Variants in ANAPC5 observed in about 807,000 individuals in gnomAD.
The protein encoded by ANAPC5 is anaphase promoting complex subunit 5.
A neutral mutation model predicts 91.3 loss-of-function variants in ANAPC5; 60 were observed. That is an observed-to-expected ratio of 0.66 (90% CI 0.53 to 0.81). The LOEUF (loss-of-function observed/expected upper bound fraction) is 0.81. Ranked by LOEUF, ANAPC5 falls within the 40% of genes least tolerant of loss-of-function variation. The pLI, the probability that ANAPC5 is intolerant of heterozygous loss-of-function variation, is 0.00. For missense variants in ANAPC5, 690 were observed against 931.5 expected (o/e 0.74, Z 3.37); for synonymous variants, 340 against 364.1 (o/e 0.93, Z 0.75).
At chr12:121,353,597 C>A (rs1254936666), upstream of ANAPC5, among the ~76,000 whole-genome samples, 2 of 152,038 alleles carry the variant, frequency 1.3e-5, no homozygotes, top group Admixed American at 1.3e-4. Flanking sequence ...TCGGCCACCA[C>A]GCCCGGCTAA....
chr12:121,352,469 G>T, upstream of ANAPC5: 1 of 761,616 alleles, frequency 1.3e-6, no homozygotes. Flanking sequence ...CCGCGTGCTC[G>T]CGGCATTTGT....
chr12:121,327,076 G>T lies in ANAPC5; in HGVS notation c.1440+20C>A. On this transcript the variant is annotated intron_variant, in intron 11 of 16. Coordinates refer to ENST00000261819, the MANE Select transcript of ANAPC5 (RefSeq NM_016237.5). ...AGCCTCCATTGCTCCAGAAGCACGT[G>T]GGCCCGGCCACCTGCCTACCTGCTC... is the stretch of plus-strand genomic sequence containing the variant. 6.3e-7 allele frequency: 1 copy of T among 1,578,514 alleles called. No individual in the cohort carries two copies. The highest frequency in any genetic ancestry group is 1.1e-5 in the South Asian group (1 of 88,334).
In ANAPC5 at chr12:121,352,389, T is replaced by A. The variant is rs1000855738; in HGVS notation, c.-49A>T. The A allele has an allele frequency of 6.0e-6, 9 of 1,494,840 alleles. No homozygotes were observed. Among genetic ancestry groups the A allele is most frequent in the South Asian group, 1.2e-5 (1 of 85,428 alleles). The allele number at this position is 1,494,840 out of a possible 1,614,324, so 92.6% of individuals were successfully genotyped here. ...GCCCGCGGCGCGCTGCCGCCAGTTG[T>A]CACCACAAGGCACAACACTACCGGG... On this transcript the variant is annotated 5_prime_UTR_variant, in exon 1 of 17. Transcript: ENST00000261819.
chr12:121,340,477 A>T (rs1418468944), intron 5 of ANAPC5, among the ~76,000 whole-genome samples: 1 of 152,140 alleles, frequency 6.6e-6, no homozygotes, highest in African/African-American at 2.4e-5. Flanking sequence ...ACAGTTAACC[A>T]ATCACATAGA....
chr12:121,330,888 TG>T, intron 8 of ANAPC5: 2 of 471,230 alleles, frequency 4.2e-6, no homozygotes, highest in Non-Finnish European at 7.6e-6. Context: ...CTGCTTCACC[TG>T]ACAGCCACTG....
intron 4 of ANAPC5, among the ~76,000 whole-genome samples, chr12:121,345,366 T>C (rs1348091232): frequency 6.6e-6 from 1 of 152,100 alleles, no homozygotes; most frequent in African/African-American, 2.4e-5. Flanking sequence ...AATTGAGTAG[T>C]CTGAGAAGAG....
rs571443945 is a variant in ANAPC5, at chr12:121,352,389, TCAC to T, written c.-52_-50del. ...GCCCGCGGCGCGCTGCCGCCAGTTG[TCAC>T]CACAAGGCACAACACTACCGGGTCT... On this transcript the variant is annotated 5_prime_UTR_variant, in exon 1 of 17. Coordinates refer to ENST00000261819, the MANE Select transcript of ANAPC5 (RefSeq NM_016237.5). 10,421 of 1,494,902 alleles carry T rather than the reference TCAC, an allele frequency of 7.0e-3. 68 individuals carry two copies. The highest frequency in any genetic ancestry group is 7.4e-3 in the Non-Finnish European group (8,006 of 1,089,064). The allele number at this position is 1,494,902 out of a possible 1,614,324, so 92.6% of individuals were successfully genotyped here.
In ANAPC5 at chr12:121,330,843, C is replaced by T. The variant is rs1903015824; in HGVS notation, c.1033-171G>A. The stretch of plus-strand genomic sequence containing the variant: ...TGAGACCTGTCAAACATATCAACAT[C>T]ATTAAAACCAGGCTGAAATAAATGA... On this transcript the variant is annotated intron_variant, in intron 8 of 16. Coordinates refer to ENST00000261819, the MANE Select transcript of ANAPC5 (RefSeq NM_016237.5). The T allele has an allele frequency of 1.5e-5, 8 of 545,594 alleles. No individual in the cohort carries two copies. In the South Asian group the frequency reaches 1.8e-4, roughly 12 times the overall value. The allele number at this position is 545,594 out of a possible 1,614,324, so 33.8% of individuals were successfully genotyped here.
At chr12:121,338,315 C>A (rs1421543483) in intron 5 of ANAPC5, among the ~76,000 whole-genome samples, 1 of 151,448 alleles carries the variant, frequency 6.6e-6, no homozygotes, top group Non-Finnish European at 1.5e-5. Flanking sequence ...ATTGGCCAGG[C>A]GTGGTGGCTC....
At chr12:121,330,546 A>T in intron 9 of ANAPC5, 37 bp downstream of exon 9, 4 of 1,574,482 alleles carry the variant, frequency 2.5e-6, no homozygotes, top group Non-Finnish European at 2.6e-6. Flanking sequence ...AGGCTCGACC[A>T]TTTATGGAAA....
chr12:121,326,293 C>T (rs982608346), intron 11 of ANAPC5: 6 of 152,090 alleles, frequency 3.9e-5, no homozygotes, highest in Admixed American at 3.3e-4. Context: ...CTAACAGTAA[C>T]AGGTATCACA....
chr12:121,336,476 G>A (rs1187055823), intron 6 of ANAPC5, among the ~76,000 whole-genome samples: 4 of 151,936 alleles, frequency 2.6e-5, no homozygotes, highest in African/African-American at 7.3e-5. Context: ...TCAGGAGTTC[G>A]AGACCAGCCT....
intron 1 of ANAPC5, among the ~76,000 whole-genome samples, chr12:121,351,598 C>T (rs1903894513): frequency 6.6e-6 from 1 of 151,748 alleles, no homozygotes; most frequent in African/African-American, 2.4e-5. Flanking sequence ...GCTGAAATTA[C>T]AGGTGCCCGC....
At chr12:121,349,817 C>T (rs1903815180) in intron 1 of ANAPC5, among the ~76,000 whole-genome samples, 1 of 151,018 alleles carries the variant, frequency 6.6e-6, no homozygotes, top group African/African-American at 2.4e-5. Context: ...AAATGATTTC[C>T]TGCCTCAGCC....
intron 4 of ANAPC5, among the ~76,000 whole-genome samples, chr12:121,344,036 T>C (rs1566196211): frequency 6.6e-6 from 1 of 152,204 alleles, no homozygotes; most frequent in Non-Finnish European, 1.5e-5. Context: ...GGACAGTTAA[T>C]ACAAAGTGTG....
In ANAPC5 at chr12:121,328,416, G is replaced by A. The variant is rs553637550; in HGVS notation, c.1204C>T (p.Leu402=). 4.3e-6 allele frequency: 7 copies of A among 1,613,904 alleles called. No individual in the cohort carries two copies. Among genetic ancestry groups the A allele is most frequent in the African/African-American group, 1.3e-5 (1 of 74,954 alleles). The part of the protein sequence containing the change: ...GKTANKLMDA[L]KDSDLLHWKH... ...CAGTGCAGGAGGTCGGAGTCCTTTA[G>A]GGCATCCATCAGCTTGTTTGCCGTC... The change falls in exon 10 of 17, where the codon CTA becomes TTA. Residue 402 remains leucine, a synonymous_variant. Transcript: ENST00000261819.
chr12:121,315,894 A>G (rs1194910324), intron 15 of ANAPC5, among the ~76,000 whole-genome samples: 2 of 152,150 alleles, frequency 1.3e-5, no homozygotes, highest in South Asian at 2.1e-4. Context: ...ATTTGTCAGT[A>G]TCTTAGACAT....
At position 121,320,467 on chromosome 12, in the gene ANAPC5, A is replaced by C. The variant is rs762959937; in HGVS notation, c.1441-8T>G. ...AGCTGCAGCAAAACAGCCCTAAAGTAGAAACACACAATTTGATCAGCATAA... is the reference window on the plus strand; with the variant it reads ...AGCTGCAGCAAAACAGCCCTAAAGTCGAAACACACAATTTGATCAGCATAA... On this transcript the variant is annotated splice_region_variant and splice_polypyrimidine_tract_variant and intron_variant, in intron 11 of 16. Coordinates refer to ENST00000261819, the MANE Select transcript of ANAPC5 (RefSeq NM_016237.5). 2 of 1,613,226 alleles carry C rather than the reference A, an allele frequency of 1.2e-6. No individual in the cohort carries two copies. Among genetic ancestry groups the C allele is most frequent in the South Asian group, 2.2e-5 (2 of 91,008 alleles).
chr12:121,322,885 C>A (rs538257033), intron 11 of ANAPC5, among the ~76,000 whole-genome samples: 1 of 151,892 alleles, frequency 6.6e-6, no homozygotes, highest in East Asian at 1.9e-4. Context: ...ATAAGCCGGG[C>A]GCAGTGGCAG....
Sources: gnomAD v4.1 joint callset for allele counts (sites outside exome capture counted in the v4.1 genomes callset) on GRCh38, gnomAD v4.1.1 for gene constraint, MANE v1.5 for transcripts, NCBI Gene and HGNC (gene_info 2026-07-23, HGNC 2026-07-21) for gene names.